Variants in ROBO2 observed in about 807,000 individuals in gnomAD.
ROBO2 encodes the protein roundabout guidance receptor 2, also known as roundabout homolog 2.
Under a neutral mutation model 160.8 loss-of-function variants are expected in ROBO2, and 53 were observed. The observed-to-expected ratio is 0.33, with a 90% confidence interval of 0.26 to 0.41. The LOEUF (loss-of-function observed/expected upper bound fraction) is 0.41. ROBO2 is among the 10% of genes least tolerant of loss of function. ROBO2 has a pLI of 1.00. For missense variants in ROBO2, 1,577 were observed against 1,722.4 expected, an observed-to-expected ratio of 0.92 and a Z score of 1.49; for synonymous variants, 664 against 611.7, an observed-to-expected ratio of 1.09 and a Z score of -1.26.
At chr3:76,962,463 A>C (rs1180604193) in intron 2 of ROBO2, among the ~76,000 whole-genome samples, 3 of 152,000 alleles carry the variant, frequency 2.0e-5, no homozygotes, top group Non-Finnish European at 2.9e-5. Flanking sequence ...ACATGGAGAA[A>C]GCCCGTTTCT....
chr3:75,926,333 T>G (rs748200683), intron 1 of ROBO2, among the ~76,000 whole-genome samples: 1 of 152,204 alleles, frequency 6.6e-6, no homozygotes, highest in Non-Finnish European at 1.5e-5. Context: ...GTATGGTTTA[T>G]TTAATCACCC....
chr3:76,340,933 T>A (rs941254520), intron 2 of ROBO2, among the ~76,000 whole-genome samples: 9 of 152,246 alleles, frequency 5.9e-5, no homozygotes, highest in Admixed American at 4.6e-4. Flanking sequence ...ATTTGGGAAC[T>A]GACAGTAAAA....
intron 2 of ROBO2, among the ~76,000 whole-genome samples, chr3:76,350,218 T>C (rs73844512): frequency 0.017 from 2,633 of 152,194 alleles, 66 homozygotes; most frequent in African/African-American, 0.06. Flanking sequence ...GGATTTTTCA[T>C]TTTTTGTTTT....
intron 2 of ROBO2, among the ~76,000 whole-genome samples, chr3:76,371,161 C>T (rs1422375262): frequency 2.0e-5 from 3 of 151,866 alleles, no homozygotes; most frequent in East Asian, 1.9e-4. Context: ...GAAGTGCTTT[C>T]GTTTACTCTT....
intron 2 of ROBO2, among the ~76,000 whole-genome samples, chr3:77,294,969 A>ACT: frequency 6.6e-6 from 1 of 152,000 alleles, no homozygotes; most frequent in African/African-American, 2.4e-5. Flanking sequence ...AGGCTAGATC[A>ACT]CCAAAGACAT....
chr3:77,151,977 G>T (rs558447033), intron 2 of ROBO2, among the ~76,000 whole-genome samples: 1 of 152,006 alleles, frequency 6.6e-6, no homozygotes, highest in Non-Finnish European at 1.5e-5. Flanking sequence ...TTCTACTACT[G>T]TAACTTTAGT....
rs191532488 is a variant in ROBO2, at chr3:77,278,738, T to A, written c.388+180398T>A. 2.0e-3 allele frequency among the ~76,000 whole-genome samples: 300 copies of A among 152,202 alleles called. 2 individuals carry two copies. The highest frequency in any genetic ancestry group is 6.3e-3 in the African/African-American group (262 of 41,550). Reference sequence around the variant, plus strand: ...CGAGAAGAGATTATAAAAATCAGAGTTGACTAATTTTTGCTTCACTTTTTT... The same window carrying A: ...CGAGAAGAGATTATAAAAATCAGAGATGACTAATTTTTGCTTCACTTTTTT... On this transcript the variant is annotated intron_variant, in intron 2 of 25. Transcript: ENST00000461745.
intron 2 of ROBO2, among the ~76,000 whole-genome samples, chr3:77,418,502 T>G (rs922173778): frequency 6.6e-6 from 1 of 152,144 alleles, no homozygotes; most frequent in African/African-American, 2.4e-5. Flanking sequence ...TCTTTTACTT[T>G]CATTTATATT....
At chr3:77,381,101 G>A (rs1228169969) in intron 2 of ROBO2, among the ~76,000 whole-genome samples, 1 of 152,170 alleles carries the variant, frequency 6.6e-6, no homozygotes, top group African/African-American at 2.4e-5. Flanking sequence ...GGATCACGAG[G>A]TCAGGAGATC....
chr3:77,445,068 C>T (rs547980973), intron 2 of ROBO2, among the ~76,000 whole-genome samples: 7 of 151,994 alleles, frequency 4.6e-5, no homozygotes, highest in Admixed American at 2.6e-4. Flanking sequence ...CGTTTGGTGA[C>T]GTCAACTGCC....
intron 2 of ROBO2, among the ~76,000 whole-genome samples, chr3:77,199,620 ATTT>A (rs66672194): frequency 3.6e-4 from 42 of 118,148 alleles, no homozygotes; most frequent in Admixed American, 1.7e-3. Flanking sequence ...CTCAGTCACC[ATTT>A]TTTTTTTTTT....
At chr3:76,580,342 G>GGTTTTTTTTTT (rs1553812372) in intron 2 of ROBO2, among the ~76,000 whole-genome samples, 1 of 90,562 alleles carries the variant, frequency 1.1e-5, no homozygotes, top group African/African-American at 4.4e-5. Flanking sequence ...TTTTTTTTGT[G>GGTTTTTTTTTT]TTTTTTTTTT....
At chr3:76,536,070 G>A (rs762642483) in intron 2 of ROBO2, among the ~76,000 whole-genome samples, 18 of 152,138 alleles carry the variant, frequency 1.2e-4, no homozygotes, top group African/African-American at 2.4e-4. Context: ...CATGGGCTGC[G>A]GGCATTCCTT....
chr3:77,107,269 G>C (rs2072932768), intron 2 of ROBO2, among the ~76,000 whole-genome samples: 1 of 152,118 alleles, frequency 6.6e-6, no homozygotes, highest in African/African-American at 2.4e-5. Flanking sequence ...ATTTTGGGGG[G>C]ATATAAACGT....
At chr3:75,907,031 C>G (rs1007785378) in intron 1 of ROBO2, 1 of 152,386 alleles carries the variant, frequency 6.6e-6, no homozygotes, top group Admixed American at 6.5e-5. Context: ...CTGCTCAGCT[C>G]CCCCAAGCGC....
intron 2 of ROBO2, among the ~76,000 whole-genome samples, chr3:76,055,876 A>G (rs1375584969): frequency 6.6e-6 from 1 of 152,140 alleles, no homozygotes; most frequent in African/African-American, 2.4e-5. Flanking sequence ...CTCCTGCCTC[A>G]GCCTCCCAAG....
chr3:76,688,625 G>GTGCA (rs1262578458), intron 2 of ROBO2, among the ~76,000 whole-genome samples: 5 of 151,722 alleles, frequency 3.3e-5, no homozygotes, highest in Non-Finnish European at 7.4e-5. Context: ...GTGTGTGTGT[G>GTGCA]TGCATGCAAG....
intron 2 of ROBO2, among the ~76,000 whole-genome samples, chr3:76,870,063 A>C (rs546692720): frequency 1.1e-4 from 16 of 152,292 alleles, no homozygotes; most frequent in African/African-American, 3.4e-4. Flanking sequence ...AACTGGAGAA[A>C]CTGACCAGCT....
chr3:76,862,770 G>A (rs189856684), intron 2 of ROBO2, among the ~76,000 whole-genome samples: 2 of 152,090 alleles, frequency 1.3e-5, no homozygotes, highest in South Asian at 2.1e-4. Context: ...TTTTGGGGTC[G>A]TATGTCCTGA....
Sources: gnomAD v4.1 joint callset for allele counts (sites outside exome capture counted in the v4.1 genomes callset) on GRCh38, gnomAD v4.1.1 for gene constraint, MANE v1.5 for transcripts, NCBI Gene and HGNC (gene_info 2026-07-23, HGNC 2026-07-21) for gene names.